CAMKK1: variants seen among roughly 807,000 people sequenced by gnomAD.
The protein encoded by CAMKK1 is calcium/calmodulin-dependent protein kinase kinase 1.
CAMKK1 carries 20 observed loss-of-function variants against 63.5 expected under a neutral mutation model. That is an observed-to-expected ratio of 0.32 (90% CI 0.22 to 0.46). The LOEUF (loss-of-function observed/expected upper bound fraction) is 0.46. Among genes scored for constraint, CAMKK1 ranks in the 20% least tolerant of loss-of-function variants. CAMKK1 has a pLI of 1.00. For missense variants in CAMKK1, 588 were observed against 658.1 expected (o/e 0.89, Z 1.17); for synonymous variants, 253 against 269.0 (o/e 0.94, Z 0.58).
chr17:3,882,899 A>T lies in CAMKK1; in HGVS notation c.648+143T>A. The T allele has an allele frequency of 9.1e-7, 1 of 1,100,542 alleles. No homozygotes were observed. Among genetic ancestry groups the T allele is most frequent in the African/African-American group, 1.6e-5 (1 of 63,426 alleles). 68.2% of individuals were successfully genotyped at this position (1,100,542 alleles called of 1,614,324 possible). On this transcript the variant is annotated intron_variant, in intron 6 of 15. Coordinates refer to ENST00000348335, the MANE Select transcript of CAMKK1 (RefSeq NM_032294.3). This position sits in a 1 kb window ranked among gnomAD's most constrained non-coding sequence, Gnocchi z 4.3. The stretch of plus-strand genomic sequence containing the variant: ...AAAGCCTTCCTGCAGCCCCACCCCA[A>T]GTCTGGCCCTGTCCTCAGAGGCCTC...
intron 15 of CAMKK1, chr17:3,865,598 G>A: frequency 8.4e-7 from 1 of 1,194,734 alleles, no homozygotes; most frequent in South Asian, 2.4e-5. Flanking sequence ...CCCAGTGAGA[G>A]AGTGACATCA....
chr17:3,892,640 G>T lies in CAMKK1; in HGVS notation c.-44+299C>A, dbSNP rs969986232. Among the ~76,000 whole-genome samples, 9 of 152,194 alleles carry T rather than the reference G, an allele frequency of 5.9e-5. No individual in the cohort carries two copies. The highest frequency in any genetic ancestry group is 1.2e-4 in the Non-Finnish European group (8 of 68,016). ...CCTCCACCAGGAGCCGGGCGCGGGG[G>T]ACAGTGCACCGGGGATGGATGCGGT... On this transcript the variant is annotated intron_variant, in intron 1 of 15. Transcript: ENST00000348335. The surrounding 1 kb of genome is among the most constrained non-coding windows in gnomAD (Gnocchi z 7.5).
At chr17:3,891,607 C>T (rs902601789) in intron 1 of CAMKK1, among the ~76,000 whole-genome samples, 2 of 152,130 alleles carry the variant, frequency 1.3e-5, no homozygotes, top group African/African-American at 2.4e-5. Flanking sequence ...GGAGTCTTCC[C>T]CACATAAGAG....
chr17:3,891,195 G>A (rs996093882), intron 1 of CAMKK1, among the ~76,000 whole-genome samples: 1 of 151,994 alleles, frequency 6.6e-6, no homozygotes, highest in Non-Finnish European at 1.5e-5. Flanking sequence ...CCTGCTGTCT[G>A]CCAGACTCTG....
rs184078172 is a variant in CAMKK1 at position 3,871,407 on chromosome 17, T to C, written c.1124+1147A>G. On this transcript the variant is annotated intron_variant, in intron 12 of 15. Coordinates refer to ENST00000348335, the MANE Select transcript of CAMKK1 (RefSeq NM_032294.3). ...TCTCGCTCTGTCGCCCAGGCTGGAG[T>C]GCAGTAGCACGGTCTCAGCTCACTG... 2.1e-3 allele frequency among the ~76,000 whole-genome samples: 286 copies of C among 136,750 alleles called. 1 individual carries two copies. Among genetic ancestry groups the C allele is most frequent in the Non-Finnish European group, 3.2e-3 (210 of 65,342 alleles). The allele number at this position is 136,750 out of a possible 152,430, so 89.7% of individuals were successfully genotyped here.
In CAMKK1 at chr17:3,883,340, C is replaced by G; in HGVS notation, c.514+89G>C. ...GCTCACGCTGTCTCCCTCTCTACCCCATTCCTAGCCAAAACTAGCTCAGGA... is the reference window on the plus strand; with the variant it reads ...GCTCACGCTGTCTCCCTCTCTACCCGATTCCTAGCCAAAACTAGCTCAGGA... On this transcript the variant is annotated intron_variant, in intron 5 of 15. Coordinates refer to ENST00000348335, the MANE Select transcript of CAMKK1 (RefSeq NM_032294.3). The surrounding 1 kb of genome is among the most constrained non-coding windows in gnomAD (Gnocchi z 4.7). 1 of 1,496,628 alleles carries G rather than the reference C, an allele frequency of 6.7e-7. No individual in the cohort carries two copies. Among genetic ancestry groups the G allele is most frequent in the Non-Finnish European group, 9.3e-7 (1 of 1,074,486 alleles). The allele number at this position is 1,496,628 out of a possible 1,614,324, so 92.7% of individuals were successfully genotyped here.
intron 15 of CAMKK1, among the ~76,000 whole-genome samples, chr17:3,864,609 A>C (rs72825467): frequency 0.15 from 23,146 of 152,140 alleles, 1,984 homozygotes; most frequent in Non-Finnish European, 0.19. Context: ...TTGGACGTCA[A>C]ATTATATATG....
chr17:3,877,861 T>C (rs533773689), intron 9 of CAMKK1, among the ~76,000 whole-genome samples: 5 of 152,330 alleles, frequency 3.3e-5, no homozygotes, highest in Admixed American at 6.5e-5. Flanking sequence ...GACATCTTGG[T>C]AGATAACTAG....
chr17:3,872,138 G>A lies in CAMKK1; in HGVS notation c.1124+416C>T, dbSNP rs75960920. Among the ~76,000 whole-genome samples, 1,131 of 152,300 alleles carry A rather than the reference G, an allele frequency of 7.4e-3. 11 individuals are homozygous for A. The highest frequency in any genetic ancestry group is 0.028 in the East Asian group (143 of 5,178). Reference sequence around the variant, plus strand: ...TGGCTTGAGTCCCAGCCCCCTGACCGCTCTCCTCCAGAGCATCCTCTTTTC... The same window carrying A: ...TGGCTTGAGTCCCAGCCCCCTGACCACTCTCCTCCAGAGCATCCTCTTTTC... On this transcript the variant is annotated intron_variant, in intron 12 of 15. Transcript: ENST00000348335.
intron 9 of CAMKK1, 182 bp downstream of exon 9, chr17:3,880,164 G>C: frequency 3.1e-4 from 161 of 512,890 alleles, no homozygotes; most frequent in Middle Eastern, 5.5e-4. Flanking sequence ...GGAGTCCACC[G>C]CCCGCCCCAC....
Position 3,884,307 on chromosome 17 carries a change from C to A in CAMKK1, c.408+73G>T. The A allele has an allele frequency of 6.6e-7, 1 of 1,525,530 alleles. No individual in the cohort carries two copies. The highest frequency in any genetic ancestry group is 1.7e-5 in the Admixed American group (1 of 59,464). The allele number at this position is 1,525,530 out of a possible 1,614,324, so 94.5% of individuals were successfully genotyped here. The stretch of plus-strand genomic sequence containing the variant: ...GCCTGGCTCTGCCTCCCGTTCCCTC[C>A]CACACGAGAGAAGGAGCAGCGCCAA... On this transcript the variant is annotated intron_variant, in intron 3 of 15. Transcript: ENST00000348335. The surrounding 1 kb of genome is among the most constrained non-coding windows in gnomAD (Gnocchi z 4.5).
intron 12 of CAMKK1, among the ~76,000 whole-genome samples, chr17:3,871,047 A>G (rs2054824776): frequency 6.6e-6 from 1 of 152,112 alleles, no homozygotes; most frequent in Admixed American, 6.6e-5. Context: ...CAGGCAAGAG[A>G]TGCAGGCAGA....
At position 3,879,993 on chromosome 17, in the gene CAMKK1, C is replaced by G. The variant is rs1318746897; in HGVS notation, c.796+353G>C. 2.8e-5 allele frequency: 8 copies of G among 289,264 alleles called. No individual in the cohort carries two copies. In the East Asian group the frequency reaches 3.9e-4, roughly 14 times the overall value. The allele number at this position is 289,264 out of a possible 1,614,324, so 17.9% of individuals were successfully genotyped here. A position where few individuals can be genotyped will look rare whatever the true frequency, so the allele number is the denominator to read the frequency against. On this transcript the variant is annotated intron_variant, in intron 9 of 15. Coordinates refer to ENST00000348335, the MANE Select transcript of CAMKK1 (RefSeq NM_032294.3). This position sits in a 1 kb window ranked among gnomAD's most constrained non-coding sequence, Gnocchi z 4.5. ...TGCCCCGGCCCCATGCCAGGACAGA[C>G]TCTCCCCAGCAGCTGGACATAAATC...
chr17:3,864,119 AT>A (rs1225262398), intron 15 of CAMKK1, among the ~76,000 whole-genome samples: 489 of 141,024 alleles, frequency 3.5e-3, no homozygotes, highest in South Asian at 8.4e-3. Context: ...CGCCCGGCTA[AT>A]TTTTTTTTTT....
chr17:3,869,919 G>A (rs1473327106), intron 12 of CAMKK1, 31 bp from the exon 13 acceptor site: 2 of 1,579,664 alleles, frequency 1.3e-6, no homozygotes, highest in Admixed American at 1.7e-5. Context: ...AGAGGAGGGT[G>A]GGACCGCTGA....
In CAMKK1 at chr17:3,861,982, G is replaced by A; in HGVS notation, c.*229C>T. 3.5e-6 allele frequency: 2 copies of A among 579,090 alleles called. No homozygotes were observed. Among genetic ancestry groups the A allele is most frequent in the East Asian group, 5.7e-5 (2 of 35,134 alleles). The allele number at this position is 579,090 out of a possible 1,614,324, so 35.9% of individuals were successfully genotyped here. On this transcript the variant is annotated 3_prime_UTR_variant, in exon 16 of 16. Coordinates refer to ENST00000348335, the MANE Select transcript of CAMKK1 (RefSeq NM_032294.3). ...GGGTCAGGCCAAGGAGGTCCAAGAAGAGGAGGATGGCCTCGTGGGAGCCCT... is the reference window on the plus strand; with the variant it reads ...GGGTCAGGCCAAGGAGGTCCAAGAAAAGGAGGATGGCCTCGTGGGAGCCCT...
rs1264880483 is a variant in CAMKK1, at chr17:3,889,437, T to C, written c.-44+3502A>G. 2.6e-5 allele frequency among the ~76,000 whole-genome samples: 4 copies of C among 152,080 alleles called. No homozygotes were observed. Among genetic ancestry groups the C allele is most frequent in the Non-Finnish European group, 5.9e-5 (4 of 68,002 alleles). On this transcript the variant is annotated intron_variant, in intron 1 of 15. Transcript: ENST00000348335. The surrounding 1 kb of genome is among the most constrained non-coding windows in gnomAD (Gnocchi z 5.2). ...GCCCTCCCTCATTGGGAAAAACTAC[T>C]GCAATCCTGTCCCCCCAGACTGGGG...
At position 3,890,032 on chromosome 17, in the gene CAMKK1, C is replaced by A. The variant is rs141931040; in HGVS notation, c.-44+2907G>T. ...ACATCCAGGCGAGGGGATGGACAGC[C>A]GTGACCAGCAGAGGACCGAACAGAA... On this transcript the variant is annotated intron_variant, in intron 1 of 15. Transcript: ENST00000348335. The surrounding 1 kb of genome is among the most constrained non-coding windows in gnomAD (Gnocchi z 6.5). 1.3e-5 allele frequency among the ~76,000 whole-genome samples: 2 copies of A among 152,230 alleles called. No individual in the cohort carries two copies. The highest frequency in any genetic ancestry group is 1.3e-4 in the Admixed American group (2 of 15,288).
rs1346486456 is a variant in CAMKK1, at chr17:3,872,643, G to T, written c.1051-16C>A. 1 of 1,610,372 alleles carries T rather than the reference G, an allele frequency of 6.2e-7. No individual in the cohort carries two copies. Among genetic ancestry groups the T allele is most frequent in the Non-Finnish European group, 8.5e-7 (1 of 1,176,620 alleles). On this transcript the variant is annotated splice_polypyrimidine_tract_variant and intron_variant, in intron 11 of 15. Transcript: ENST00000348335. ...TGAATGGGCACTGTGGGGTGGAGAG[G>T]CAGACAAAGGATGTGGGTCCAGGGC... is the stretch of plus-strand genomic sequence containing the variant.
Sources: allele counts gnomAD v4.1 joint callset (sites outside exome capture counted in the v4.1 genomes callset), GRCh38; gene constraint gnomAD v4.1.1; non-coding constraint Gnocchi (gnomAD v3.1); transcripts MANE v1.5; gene names NCBI Gene and HGNC (gene_info 2026-07-23, HGNC 2026-07-21).